SRBD1: variants seen among roughly 807,000 people sequenced by gnomAD.
The protein encoded by SRBD1 is S1 RNA binding domain 1.
Under a neutral mutation model 115.3 loss-of-function variants are expected in SRBD1, and 88 were observed. The observed-to-expected ratio is 0.76, with a 90% CI of 0.64 to 0.91. The LOEUF is 0.91. SRBD1 is among the 40% of genes least tolerant of loss of function. SRBD1 has a pLI of 0.00. For missense variants in SRBD1, 1,385 were observed against 1,177.4 expected (o/e 1.18, Z -2.58); for synonymous variants, 509 against 407.7 (o/e 1.25, Z -2.99).
chr2:45,590,859 A>C (rs1673699483), intron 4 of SRBD1, among the ~76,000 whole-genome samples: 1 of 152,164 alleles, frequency 6.6e-6, no homozygotes, highest in East Asian at 1.9e-4. Flanking sequence ...TCTACTAAAA[A>C]TACAAAAATT....
chr2:45,429,134 C>T (rs1291432645), intron 16 of SRBD1, among the ~76,000 whole-genome samples: 1 of 152,112 alleles, frequency 6.6e-6, no homozygotes. Context: ...ATAACAAGTT[C>T]TGAAATTGAG....
At chr2:45,478,784 AC>A (rs1669876647) in intron 15 of SRBD1, among the ~76,000 whole-genome samples, 1 of 151,960 alleles carries the variant, frequency 6.6e-6, no homozygotes, top group Admixed American at 6.6e-5. Context: ...AACAACAAAA[AC>A]CCCCACAACA....
chr2:45,522,436 C>T (rs1425532430), intron 14 of SRBD1, among the ~76,000 whole-genome samples: 1 of 152,154 alleles, frequency 6.6e-6, no homozygotes, highest in African/African-American at 2.4e-5. Context: ...TCTCAGCCTT[C>T]CAAAGTGCTG....
chr2:45,420,856 T>C (rs926186698), intron 16 of SRBD1, among the ~76,000 whole-genome samples: 2 of 152,194 alleles, frequency 1.3e-5, no homozygotes, highest in African/African-American at 4.8e-5. Context: ...AATCTTTTTA[T>C]TTTATTTTAT....
chr2:45,488,232 T>C lies in SRBD1; in HGVS notation c.1966+8A>G, dbSNP rs1670179863. The C allele has an allele frequency of 1.2e-6, 2 of 1,612,514 alleles. No homozygotes were observed. On this transcript the variant is annotated splice_region_variant and intron_variant, in intron 15 of 20. Coordinates refer to ENST00000263736, the MANE Select transcript of SRBD1 (RefSeq NM_018079.5). The stretch of plus-strand genomic sequence containing the variant: ...CACATGTTTTTGTGATGGTCCATAG[T>C]TTCTTACCTGCACTTCTCAAATTAG...
chr2:45,607,189 C>T (rs191915947), intron 1 of SRBD1, among the ~76,000 whole-genome samples: 4 of 152,204 alleles, frequency 2.6e-5, no homozygotes, highest in African/African-American at 9.6e-5. Context: ...CATGAAAGAA[C>T]AGGTAATTGT....
At chr2:45,434,927 C>T (rs1035661486) in intron 16 of SRBD1, among the ~76,000 whole-genome samples, 2 of 152,046 alleles carry the variant, frequency 1.3e-5, no homozygotes, top group Non-Finnish European at 2.9e-5. Flanking sequence ...CCGCTCCCCC[C>T]ACCCCACGAC....
At chr2:45,539,939 C>T (rs1275647263) in intron 14 of SRBD1, among the ~76,000 whole-genome samples, 1 of 151,984 alleles carries the variant, frequency 6.6e-6, no homozygotes, top group Non-Finnish European at 1.5e-5. Context: ...CAAAATTTAA[C>T]ATGGTTTAAA....
intron 14 of SRBD1, among the ~76,000 whole-genome samples, chr2:45,512,624 G>T (rs780872410): frequency 6.6e-5 from 10 of 152,132 alleles, no homozygotes; most frequent in Non-Finnish European, 1.3e-4. Context: ...TTTACGTGTA[G>T]GAGGATTCAT....
intron 9 of SRBD1, among the ~76,000 whole-genome samples, chr2:45,564,164 C>T (rs541487788): frequency 6.6e-6 from 1 of 152,164 alleles, no homozygotes; most frequent in Non-Finnish European, 1.5e-5. Flanking sequence ...TAACCTAACA[C>T]ATTATATCAA....
chr2:45,429,603 G>A (rs1668269223), intron 16 of SRBD1, among the ~76,000 whole-genome samples: 1 of 152,114 alleles, frequency 6.6e-6, no homozygotes, highest in African/African-American at 2.4e-5. Flanking sequence ...ACCCCTTCAT[G>A]CTAAAAACTC....
chr2:45,562,899 T>C (rs1672717785), intron 9 of SRBD1, 143 bp from the exon 10 acceptor site: 3 of 525,978 alleles, frequency 5.7e-6, no homozygotes, highest in Non-Finnish European at 1.0e-5. Context: ...ACTTACACTT[T>C]TTTCAAGTAA....
At chr2:45,609,354 C>T (rs1674373916) in intron 1 of SRBD1, among the ~76,000 whole-genome samples, 1 of 152,162 alleles carries the variant, frequency 6.6e-6, no homozygotes, top group South Asian at 2.1e-4. Context: ...CTTGAATCTC[C>T]ACGATCTTCA....
At chr2:45,438,701 C>T (rs985725429) in intron 16 of SRBD1, among the ~76,000 whole-genome samples, 9 of 151,716 alleles carry the variant, frequency 5.9e-5, no homozygotes, top group African/African-American at 1.7e-4. Context: ...GAAGGAGAGG[C>T]GAGGATGGGG....
rs528544327 is a variant in SRBD1 at position 45,462,628 on chromosome 2, A to C, written c.2049+14365T>G. 2.2e-4 allele frequency among the ~76,000 whole-genome samples: 34 copies of C among 151,614 alleles called. No homozygotes were observed. In the East Asian group the frequency reaches 6.4e-3, roughly 29 times the overall value. On this transcript the variant is annotated intron_variant, in intron 16 of 20. Coordinates refer to ENST00000263736, the MANE Select transcript of SRBD1 (RefSeq NM_018079.5). ...GGAGATCGAAACCATCCTGGCCAAC[A>C]TGGTGAAACCCCGTCTGTACTAAAA...
intron 14 of SRBD1, among the ~76,000 whole-genome samples, chr2:45,509,204 T>C (rs992418947): frequency 2.0e-5 from 3 of 152,190 alleles, no homozygotes; most frequent in Non-Finnish European, 2.9e-5. Context: ...ATAAAATCAA[T>C]GCATTTTCCT....
chr2:45,425,516 G>T (rs931442271), intron 16 of SRBD1, among the ~76,000 whole-genome samples: 2 of 152,028 alleles, frequency 1.3e-5, no homozygotes, highest in Non-Finnish European at 2.9e-5. Context: ...CACAGTAGGG[G>T]GTGGCTGGCA....
intron 19 of SRBD1, among the ~76,000 whole-genome samples, chr2:45,404,372 C>G (rs1157833611): frequency 6.6e-6 from 1 of 152,062 alleles, no homozygotes; most frequent in Non-Finnish European, 1.5e-5. Context: ...AGCCATGGGA[C>G]CAGATGAGAT....
intron 14 of SRBD1, 73 bp from the exon 15 acceptor site, chr2:45,488,404 C>T (rs1670186244): frequency 3.1e-6 from 4 of 1,278,576 alleles, no homozygotes; most frequent in Admixed American, 2.1e-5. Context: ...ATGAATGAAA[C>T]CAGGCATTAC....
Sources: gnomAD v4.1 joint callset for allele counts (sites outside exome capture counted in the v4.1 genomes callset) on GRCh38, gnomAD v4.1.1 for gene constraint, MANE v1.5 for transcripts, NCBI Gene and HGNC (gene_info 2026-07-23, HGNC 2026-07-21) for gene names.